ATXN7L1: variants seen among roughly 807,000 people sequenced by gnomAD.
The protein encoded by ATXN7L1 is ataxin 7 like 1, also known as ataxin-7-like protein 1.
ATXN7L1 carries 15 observed loss-of-function variants against 70.8 expected under a neutral mutation model. The ratio of observed to expected loss-of-function variants is 0.21; its 90% CI spans 0.14 to 0.33. The LOEUF is 0.33. ATXN7L1 is among the 10% of genes least tolerant of loss of function. ATXN7L1 has a pLI of 1.00. For missense variants in ATXN7L1, 975 were observed against 1,097.1 expected, an observed-to-expected ratio of 0.89 and a Z score of 1.57; for synonymous variants, 440 against 445.1, an observed-to-expected ratio of 0.99 and a Z score of 0.14.
In ATXN7L1 at chr7:105,755,754, G is replaced by T. The variant is rs1799724480; in HGVS notation, c.355+32850C>A. Among the ~76,000 whole-genome samples the T allele has an allele frequency of 2.0e-5, 3 of 152,176 alleles. No individual in the cohort carries two copies. In the South Asian group the frequency reaches 6.2e-4, roughly 32 times the overall value. On this transcript the variant is annotated intron_variant, in intron 3 of 11. Coordinates refer to ENST00000419735, the MANE Select transcript of ATXN7L1 (RefSeq NM_020725.2). ...CCTAAAGTGAAATTCCCGAAAGACT[G>T]TTGGTTACGTGAACCCTGAGTAGAC...
intron 3 of ATXN7L1, among the ~76,000 whole-genome samples, chr7:105,712,174 T>A (rs1309454490): frequency 6.6e-6 from 1 of 152,228 alleles, no homozygotes; most frequent in Non-Finnish European, 1.5e-5. Flanking sequence ...GTCCCAAGGC[T>A]GCACAGGGCA....
chr7:105,737,061 G>C (rs1797457222), intron 3 of ATXN7L1, among the ~76,000 whole-genome samples: 1 of 152,032 alleles, frequency 6.6e-6, no homozygotes. Flanking sequence ...AAGACCATGA[G>C]GACTTTTAAA....
chr7:105,805,644 G>A (rs923551626), intron 2 of ATXN7L1, among the ~76,000 whole-genome samples: 8 of 152,184 alleles, frequency 5.3e-5, no homozygotes, highest in Admixed American at 3.9e-4. Context: ...GGACGTGTGC[G>A]TGGCTCATGC....
intron 2 of ATXN7L1, among the ~76,000 whole-genome samples, chr7:105,823,925 A>T (rs1810497912): frequency 6.6e-6 from 1 of 152,064 alleles, no homozygotes; most frequent in South Asian, 2.1e-4. Context: ...ATGTGAGGGG[A>T]GACTGCTTGA....
intron 3 of ATXN7L1, among the ~76,000 whole-genome samples, chr7:105,735,294 G>A (rs1797257783): frequency 6.6e-6 from 1 of 152,178 alleles, no homozygotes. Flanking sequence ...TCTACACTGA[G>A]ACTCCAGTCC....
At chr7:105,844,571 CTT>C (rs1162237401) in intron 2 of ATXN7L1, among the ~76,000 whole-genome samples, 1 of 152,092 alleles carries the variant, frequency 6.6e-6, no homozygotes, top group African/African-American at 2.4e-5. Flanking sequence ...TGGAAGGAAA[CTT>C]TTTCAACTTG....
At chr7:105,756,717 T>A (rs1449209635) in intron 3 of ATXN7L1, among the ~76,000 whole-genome samples, 1 of 152,166 alleles carries the variant, frequency 6.6e-6, no homozygotes, top group Non-Finnish European at 1.5e-5. Context: ...CGTTTTCTAA[T>A]CTCAGCAGGC....
chr7:105,854,471 GAA>G (rs59330079), intron 2 of ATXN7L1, among the ~76,000 whole-genome samples: 54,249 of 97,856 alleles, frequency 0.55, 13,227 homozygotes, highest in South Asian at 0.62. Flanking sequence ...AATTAGCTCT[GAA>G]AAAAAAAAAA....
At position 105,677,535 on chromosome 7, in the gene ATXN7L1, G is replaced by C. The variant is rs192488556; in HGVS notation, c.356-12247C>G. Among the ~76,000 whole-genome samples, 7 of 152,290 alleles carry C rather than the reference G, an allele frequency of 4.6e-5. No individual in the cohort carries two copies. In the East Asian group the frequency reaches 1.2e-3, roughly 25 times the overall value. On this transcript the variant is annotated intron_variant, in intron 3 of 11. Transcript: ENST00000419735. Reference sequence around the variant, plus strand: ...TCTTTTATCTCCAGCGTTTAGCACAGGGTTTTGCCCTCAAGAGCACTCACT... The same window carrying C: ...TCTTTTATCTCCAGCGTTTAGCACACGGTTTTGCCCTCAAGAGCACTCACT...
At chr7:105,727,746 G>GTATATATA (rs1232202676) in intron 3 of ATXN7L1, among the ~76,000 whole-genome samples, 42 of 55,328 alleles carry the variant, frequency 7.6e-4, no homozygotes, top group East Asian at 1.9e-3. Flanking sequence ...GTGTATGTGT[G>GTATATATA]TATATATATA....
At chr7:105,661,294 G>A (rs1801566640) in intron 4 of ATXN7L1, among the ~76,000 whole-genome samples, 1 of 152,176 alleles carries the variant, frequency 6.6e-6, no homozygotes. Context: ...ATGGACGGAT[G>A]TTCTAGGCAA....
chr7:105,777,791 C>A (rs1488668790), intron 3 of ATXN7L1, among the ~76,000 whole-genome samples: 1 of 152,206 alleles, frequency 6.6e-6, no homozygotes, highest in African/African-American at 2.4e-5. Context: ...CAATACCCCC[C>A]AGTGTCTTAG....
chr7:105,712,409 AAATTTT>A (rs1794038053), intron 3 of ATXN7L1, among the ~76,000 whole-genome samples: 2 of 152,236 alleles, frequency 1.3e-5, no homozygotes, highest in African/African-American at 4.8e-5. Context: ...GCTGGCCTGC[AAATTTT>A]CCAAACTTTT....
intron 2 of ATXN7L1, among the ~76,000 whole-genome samples, chr7:105,791,790 A>G (rs1432589912): frequency 3.9e-5 from 6 of 152,202 alleles, no homozygotes; most frequent in African/African-American, 9.6e-5. Flanking sequence ...TTCAATAAGC[A>G]TTTATATGGC....
chr7:105,744,766 C>T (rs1231430819), intron 3 of ATXN7L1, among the ~76,000 whole-genome samples: 2 of 128,058 alleles, frequency 1.6e-5, no homozygotes, highest in East Asian at 2.5e-4. Flanking sequence ...TAGATGGAGT[C>T]TCCCTCTGTC....
chr7:105,804,551 T>C (rs142350426), intron 2 of ATXN7L1, among the ~76,000 whole-genome samples: 30 of 152,336 alleles, frequency 2.0e-4, no homozygotes, highest in African/African-American at 7.0e-4. Context: ...CGCCTGACAG[T>C]TCTACAAACA....
chr7:105,751,079 A>T (rs931477557), intron 3 of ATXN7L1, among the ~76,000 whole-genome samples: 2 of 151,928 alleles, frequency 1.3e-5, no homozygotes, highest in Admixed American at 6.6e-5. Flanking sequence ...ATTGCTGAAC[A>T]TTTTTCTATT....
chr7:105,638,843 G>A (rs1797744729), intron 6 of ATXN7L1, among the ~76,000 whole-genome samples: 1 of 152,148 alleles, frequency 6.6e-6, no homozygotes, highest in African/African-American at 2.4e-5. Flanking sequence ...AAATGGCATA[G>A]GATGACGAGC....
chr7:105,767,024 G>A (rs1801353199), intron 3 of ATXN7L1, among the ~76,000 whole-genome samples: 1 of 152,226 alleles, frequency 6.6e-6, no homozygotes, highest in African/African-American at 2.4e-5. Flanking sequence ...CTGCAGTGAG[G>A]CAGGACGGCG....
Sources: allele counts gnomAD v4.1 joint callset (sites outside exome capture counted in the v4.1 genomes callset), GRCh38; gene constraint gnomAD v4.1.1; transcripts MANE v1.5; gene names NCBI Gene and HGNC (gene_info 2026-07-23, HGNC 2026-07-21).